The following CSMD1 variants were observed in gnomAD, a reference collection of about 807,000 sequenced individuals.
CSMD1 encodes CUB and sushi domain-containing protein 1.
In CSMD1, 213 loss-of-function variants were observed where a neutral mutation model predicts 417.5. The observed-to-expected ratio is 0.51, with a 90% CI of 0.46 to 0.57. The LOEUF (loss-of-function observed/expected upper bound fraction) is 0.57. Among genes scored for constraint, CSMD1 ranks in the 20% least tolerant of loss-of-function variants. CSMD1 has a pLI of 0.00. For missense variants in CSMD1, 6,923 were observed against 4,529.7 expected (o/e 1.53, Z -15.17); for synonymous variants, 2,862 against 1,736.8 (o/e 1.65, Z -16.11).
intron 37 of CSMD1, among the ~76,000 whole-genome samples, chr8:3,167,662 A>G (rs1215598617): frequency 6.6e-6 from 1 of 152,256 alleles, no homozygotes; most frequent in African/African-American, 2.4e-5. Context: ...TTTAAACCCC[A>G]TGAATCCAGC....
At chr8:3,532,968 A>G (rs1798042257) in intron 10 of CSMD1, among the ~76,000 whole-genome samples, 1 of 152,212 alleles carries the variant, frequency 6.6e-6, no homozygotes, top group African/African-American at 2.4e-5. Flanking sequence ...AGTCTCATAC[A>G]ATCACCTCAT....
At chr8:3,607,685 T>C (rs955116288) in intron 8 of CSMD1, among the ~76,000 whole-genome samples, 4 of 152,176 alleles carry the variant, frequency 2.6e-5, no homozygotes, top group African/African-American at 9.7e-5. Flanking sequence ...GGATATTCTA[T>C]TTACAAAAAG....
intron 1 of CSMD1, among the ~76,000 whole-genome samples, chr8:4,803,176 T>C (rs1413514999): frequency 6.6e-6 from 1 of 152,190 alleles, no homozygotes; most frequent in East Asian, 1.9e-4. Flanking sequence ...TTGTTAATAT[T>C]CTTTAAGTTG....
intron 2 of CSMD1, among the ~76,000 whole-genome samples, chr8:4,592,376 AT>A (rs751779434): frequency 2.6e-5 from 4 of 151,772 alleles, no homozygotes; most frequent in Admixed American, 6.6e-5. Context: ...TTCCGTATTC[AT>A]TTTCCTTGTT....
intron 7 of CSMD1, among the ~76,000 whole-genome samples, chr8:3,688,673 T>C (rs184507630): frequency 3.9e-5 from 6 of 152,340 alleles, no homozygotes; most frequent in African/African-American, 1.4e-4. Flanking sequence ...TTCGTGGCAG[T>C]TCTGCAATAT....
At chr8:4,800,632 G>C (rs151246216) in intron 1 of CSMD1, among the ~76,000 whole-genome samples, 1,586 of 152,302 alleles carry the variant, frequency 0.01, 21 homozygotes, top group African/African-American at 0.036. Context: ...ACCCATCTTT[G>C]GTGCAATCCC....
intron 2 of CSMD1, among the ~76,000 whole-genome samples, chr8:4,496,976 G>C (rs558603436): frequency 1.3e-5 from 2 of 152,084 alleles, no homozygotes; most frequent in Non-Finnish European, 2.9e-5. Flanking sequence ...GCTACAAAAC[G>C]AAAGGGAGAC....
At chr8:3,057,696 T>C (rs962809268) in intron 49 of CSMD1, among the ~76,000 whole-genome samples, 4 of 152,188 alleles carry the variant, frequency 2.6e-5, no homozygotes, top group African/African-American at 7.2e-5. Context: ...CCAAGTCTAA[T>C]AGTCATTAAA....
At chr8:3,780,098 G>C (rs560206487) in intron 5 of CSMD1, among the ~76,000 whole-genome samples, 7 of 152,274 alleles carry the variant, frequency 4.6e-5, no homozygotes, top group African/African-American at 1.7e-4. Flanking sequence ...GTACCAGTCG[G>C]TGTTGCATTA....
intron 5 of CSMD1, among the ~76,000 whole-genome samples, chr8:3,913,916 G>C (rs1017253447): frequency 1.3e-5 from 2 of 151,772 alleles, no homozygotes; most frequent in Admixed American, 6.6e-5. Context: ...ATAAAGTCCA[G>C]TTTTGGACTC....
chr8:4,240,165 A>T (rs943519613), intron 3 of CSMD1, among the ~76,000 whole-genome samples: 3 of 152,218 alleles, frequency 2.0e-5, no homozygotes, highest in African/African-American at 7.2e-5. Flanking sequence ...CCAGATTTCC[A>T]AATAAACAAG....
At chr8:3,695,087 C>CGTGTGTGTGTGTGTTTGT (rs1554514049) in intron 7 of CSMD1, among the ~76,000 whole-genome samples, 1 of 145,492 alleles carries the variant, frequency 6.9e-6, no homozygotes, top group Non-Finnish European at 1.5e-5. Context: ...GGAGGCCCTG[C>CGTGTGTGTGTGTGTTTGT]GTGTGTGTGT....
chr8:4,961,084 C>T (rs544661480), intron 1 of CSMD1, among the ~76,000 whole-genome samples: 160 of 152,198 alleles, frequency 1.1e-3, no homozygotes, highest in African/African-American at 3.5e-3. Flanking sequence ...AAATTAACAA[C>T]GGGTGTTTAC....
chr8:4,657,761 G>C (rs977296973), intron 1 of CSMD1, among the ~76,000 whole-genome samples: 8 of 149,014 alleles, frequency 5.4e-5, no homozygotes, highest in Non-Finnish European at 1.2e-4. Flanking sequence ...ACGGACATTT[G>C]AATTAGTAGA....
intron 4 of CSMD1, among the ~76,000 whole-genome samples, chr8:4,014,674 G>A (rs964337480): frequency 3.3e-5 from 5 of 152,200 alleles, no homozygotes; most frequent in Non-Finnish European, 7.3e-5. Flanking sequence ...CGTCTGAGCT[G>A]TGCCAACTTG....
intron 2 of CSMD1, among the ~76,000 whole-genome samples, chr8:4,546,015 G>A (rs774731614): frequency 1.1e-4 from 17 of 152,176 alleles, no homozygotes; most frequent in Admixed American, 7.2e-4. Context: ...ATCCACAGCT[G>A]CATCTACAGA....
intron 5 of CSMD1, among the ~76,000 whole-genome samples, chr8:3,932,259 A>T (rs1488475857): frequency 6.6e-6 from 1 of 150,594 alleles, no homozygotes; most frequent in East Asian, 1.9e-4. Flanking sequence ...AATCGACGAA[A>T]GTAATAGTTG....
In CSMD1 at chr8:3,499,717, G is replaced by A. The variant is rs149089016; in HGVS notation, c.1345-5991C>T. On this transcript the variant is annotated intron_variant, in intron 10 of 69. Transcript: ENST00000635120. ...GGGTACTTCATGGTCTTGAGTGCTG[G>A]GTTCAGGTTTGTGTCACTGAGTGCA... 3.6e-4 allele frequency among the ~76,000 whole-genome samples: 55 copies of A among 152,044 alleles called. 2 individuals are homozygous for A. The East Asian group carries it at 7.0e-3, about 19-fold the overall frequency.
At chr8:4,196,037 T>G (rs767082122) in intron 3 of CSMD1, among the ~76,000 whole-genome samples, 1 of 151,750 alleles carries the variant, frequency 6.6e-6, no homozygotes, top group Non-Finnish European at 1.5e-5. Flanking sequence ...CAGTGAAACC[T>G]CGTCTCTACT....
Sources: gnomAD v4.1 joint callset for allele counts (sites outside exome capture counted in the v4.1 genomes callset) on GRCh38, gnomAD v4.1.1 for gene constraint, MANE v1.5 for transcripts, NCBI Gene and HGNC (gene_info 2026-07-23, HGNC 2026-07-21) for gene names.